ZNF250: variants seen among roughly 807,000 people sequenced by gnomAD.
The protein encoded by ZNF250 is zinc finger protein 250, also known as zinc finger protein (clone 647).
A neutral mutation model predicts 37.1 loss-of-function variants in ZNF250; 13 were observed. The observed-to-expected ratio is 0.35, with a 90% CI of 0.23 to 0.56. The LOEUF (loss-of-function observed/expected upper bound fraction) is 0.56, where lower values mean the gene tolerates loss of function less well. Among genes scored for constraint, ZNF250 ranks in the 20% least tolerant of loss-of-function variants. ZNF250 has a pLI of 0.87. For missense variants in ZNF250, 474 were observed against 697.9 expected, an observed-to-expected ratio of 0.68 and a Z score of 3.61; for synonymous variants, 251 against 265.6, an observed-to-expected ratio of 0.94 and a Z score of 0.54.
intron 5 of ZNF250, among the ~76,000 whole-genome samples, chr8:144,883,638 C>A (rs1253435985): frequency 1.3e-5 from 2 of 151,776 alleles, no homozygotes; most frequent in East Asian, 3.9e-4. Flanking sequence ...TCGGACCTGG[C>A]CATGTGGAAG....
chr8:144,880,305 A>C lies in ZNF250; in HGVS notation c.*1210T>G. The C allele has an allele frequency of 2.6e-6, 1 of 381,928 alleles. No homozygotes were observed. The highest frequency in any genetic ancestry group is 7.4e-5 in the East Asian group (1 of 13,458). The allele number at this position is 381,928 out of a possible 1,614,324, so 23.7% of individuals were successfully genotyped here. ...TGTATGTTTTAAATATATCTACCAA[A>C]GAACAGTATTTTCAGCATTGTTTTG... On this transcript the variant is annotated 3_prime_UTR_variant, in exon 6 of 6. Coordinates refer to ENST00000417550, the MANE Select transcript of ZNF250 (RefSeq NM_001109689.4).
chr8:144,889,353 T>C (rs1376937514), intron 4 of ZNF250, among the ~76,000 whole-genome samples: 1 of 152,244 alleles, frequency 6.6e-6, no homozygotes, highest in African/African-American at 2.4e-5. Flanking sequence ...TCTACATGGC[T>C]CTGCACATCA....
rs748438707 is a variant in ZNF250, at chr8:144,882,253, C to A, written c.930G>T (p.Leu310Phe). The change falls in exon 6 of 6, where the codon TTG becomes TTT. Residue 310 changes from leucine to phenylalanine, a missense_variant. Physicochemically the swap from Leu to Phe is conservative, Grantham distance 22 (BLOSUM62 0). This residue lies in a region of ZNF250 where 282 missense variants were observed against 470.4 expected (regional missense o/e 0.60). Coordinates refer to ENST00000417550, the MANE Select transcript of ZNF250 (RefSeq NM_001109689.4). The surrounding 1 kb of genome is among the most constrained non-coding windows in gnomAD (Gnocchi z 5.5). ...HTGERPYVCP[L>F]CGKAFNHSTV... The stretch of plus-strand genomic sequence containing the variant: ...TGCTATGGTTGAAGGCTTTCCCACA[C>A]AACGGACACACATATGGCCTTTCTC... The A allele has an allele frequency of 1.2e-6, 2 of 1,613,970 alleles. No individual in the cohort carries two copies. Among genetic ancestry groups the A allele is most frequent in the East Asian group, 4.5e-5 (2 of 44,866 alleles).
chr8:144,899,723 G>A (rs746139411), intron 1 of ZNF250, among the ~76,000 whole-genome samples: 1 of 152,024 alleles, frequency 6.6e-6, no homozygotes, highest in Non-Finnish European at 1.5e-5. Context: ...TGACAAAAGC[G>A]GTTTTTCAAA....
intron 5 of ZNF250, among the ~76,000 whole-genome samples, chr8:144,883,827 G>GCT (rs1283013506): frequency 6.6e-6 from 1 of 152,136 alleles, no homozygotes; most frequent in African/African-American, 2.4e-5. Context: ...CAGGTCGAGC[G>GCT]CTCTGCAGGC....
chr8:144,880,310 A>G lies in ZNF250; in HGVS notation c.*1205T>C, dbSNP rs1055026265. 1.5e-5 allele frequency: 6 copies of G among 388,588 alleles called. No individual in the cohort carries two copies. The highest frequency in any genetic ancestry group is 2.7e-5 in the Non-Finnish European group (5 of 186,838). 24.1% of individuals were successfully genotyped at this position (388,588 alleles called of 1,614,324 possible). On this transcript the variant is annotated 3_prime_UTR_variant, in exon 6 of 6. Coordinates refer to ENST00000417550, the MANE Select transcript of ZNF250 (RefSeq NM_001109689.4). ...GTTTTAAATATATCTACCAAAGAACAGTATTTTCAGCATTGTTTTGGGGGA... is the reference window on the plus strand; with the variant it reads ...GTTTTAAATATATCTACCAAAGAACGGTATTTTCAGCATTGTTTTGGGGGA...
chr8:144,894,918 C>T (rs1442984804), intron 1 of ZNF250, among the ~76,000 whole-genome samples: 1 of 151,992 alleles, frequency 6.6e-6, no homozygotes, highest in Non-Finnish European at 1.5e-5. Flanking sequence ...CCCTCCTTGG[C>T]CTCCGAAAGT....
chr8:144,902,160 C>A (rs566705326), upstream of ZNF250: 1 of 152,354 alleles, frequency 6.6e-6, no homozygotes, highest in East Asian at 1.9e-4. Flanking sequence ...CTCCGTCGCC[C>A]ACTCGGCCCT....
rs766641074 is a variant in ZNF250, at chr8:144,890,169, C to T, written c.43-110G>A. On this transcript the variant is annotated intron_variant, in intron 2 of 5. Transcript: ENST00000417550. The surrounding 1 kb of genome is among the most constrained non-coding windows in gnomAD (Gnocchi z 5.1). ...AGTTGGCAGTGGGGGGCTCTGTGAG[C>T]TGAGGTGGGTGATGGGAAGGGGCCG... is the stretch of plus-strand genomic sequence containing the variant. 66 of 1,535,004 alleles carry T rather than the reference C, an allele frequency of 4.3e-5. No homozygotes were observed. Among genetic ancestry groups the T allele is most frequent in the Non-Finnish European group, 5.8e-5 (65 of 1,129,658 alleles).
At chr8:144,892,897 T>C (rs1336736262) in intron 1 of ZNF250, among the ~76,000 whole-genome samples, 1 of 145,646 alleles carries the variant, frequency 6.9e-6, no homozygotes, top group African/African-American at 2.6e-5. Context: ...TCTTGCTCTG[T>C]CACCCAGGCT....
chr8:144,898,248 G>A (rs1487993669), intron 1 of ZNF250, among the ~76,000 whole-genome samples: 1 of 152,068 alleles, frequency 6.6e-6, no homozygotes, highest in Non-Finnish European at 1.5e-5. Context: ...AGTGAGCCAA[G>A]ATCGCGCCAT....
chr8:144,883,011 TA>T (rs1831608813), intron 5 of ZNF250, among the ~76,000 whole-genome samples, 175 bp from the exon 6 acceptor site: 1 of 152,140 alleles, frequency 6.6e-6, no homozygotes, highest in Non-Finnish European at 1.5e-5. Flanking sequence ...TATCAGAAGA[TA>T]ATGTTTCCAG....
chr8:144,893,546 G>C (rs1451436280), intron 1 of ZNF250, among the ~76,000 whole-genome samples: 2 of 152,116 alleles, frequency 1.3e-5, no homozygotes, highest in Non-Finnish European at 2.9e-5. Context: ...GCCCAGGCTG[G>C]TCTCGAACCC....
chr8:144,889,955 G>A lies in ZNF250; in HGVS notation c.147C>T (p.Thr49=). ...RGLYRNVMME[T]YGNVVSLGLP... Reference sequence around the variant, plus strand: ...TACCCAATGAGACTACATTCCCATAGGTTTCCATCATCACATTTCTGTAGA... The same window carrying A: ...TACCCAATGAGACTACATTCCCATAAGTTTCCATCATCACATTTCTGTAGA... The change falls in exon 3 of 6, where the codon ACC becomes ACT. Residue 49 remains threonine, a synonymous_variant. Coordinates refer to ENST00000417550, the MANE Select transcript of ZNF250 (RefSeq NM_001109689.4). 1 of 1,609,700 alleles carries A rather than the reference G, an allele frequency of 6.2e-7. No homozygotes were observed. Among genetic ancestry groups the A allele is most frequent in the East Asian group, 2.2e-5 (1 of 44,762 alleles).
In ZNF250 at chr8:144,882,734, T is replaced by A. The variant is rs747992821; in HGVS notation, c.449A>T (p.Asp150Val). The change falls in exon 6 of 6, where the codon GAT (aspartate) becomes GTT (valine). Residue 150 changes from aspartate (D) to valine (V), a missense_variant. Physicochemically the swap from Asp to Val is radical, Grantham distance 152 (BLOSUM62 -3). This residue lies in a region of ZNF250 where 192 missense variants were observed against 227.5 expected (regional missense o/e 0.84). Coordinates refer to ENST00000417550, the MANE Select transcript of ZNF250 (RefSeq NM_001109689.4). The surrounding 1 kb of genome is among the most constrained non-coding windows in gnomAD (Gnocchi z 5.5). ...TTGCTTTGTTTCATTATTTTCTTGA[T>A]CAATCCTCCCCAAGGGTGTTTTCCC... ...ILGKTPLGRI[D>V]QENNETKQSF... The A allele has an allele frequency of 5.6e-6, 9 of 1,613,948 alleles. No individual in the cohort carries two copies. The South Asian group carries it at 7.7e-5, about 14-fold the overall frequency.
At chr8:144,886,372 C>G (rs1376671058) in intron 5 of ZNF250, among the ~76,000 whole-genome samples, 2 of 152,178 alleles carry the variant, frequency 1.3e-5, no homozygotes, top group African/African-American at 4.8e-5. Context: ...TAAGAGACTA[C>G]TCGCTCAATC....
chr8:144,880,360 C>T lies in ZNF250; in HGVS notation c.*1155G>A, dbSNP rs745533919. 131 of 451,406 alleles carry T rather than the reference C, an allele frequency of 2.9e-4. No individual in the cohort carries two copies. Among genetic ancestry groups the T allele is most frequent in the Admixed American group, 6.9e-4 (29 of 42,330 alleles). 28.0% of individuals were successfully genotyped at this position (451,406 alleles called of 1,614,324 possible). ...AAATACCATAAGATGTAAAGAGGTA[C>T]CCACTTGGTGTAACAGCTATGAGGT... On this transcript the variant is annotated 3_prime_UTR_variant, in exon 6 of 6. Transcript: ENST00000417550.
intron 1 of ZNF250, among the ~76,000 whole-genome samples, chr8:144,892,723 T>C (rs1269679254): frequency 6.6e-6 from 1 of 151,190 alleles, no homozygotes; most frequent in East Asian, 2.0e-4. Flanking sequence ...CCCAGCTAAT[T>C]TTTTTTGTAT....
chr8:144,898,326 CA>C (rs1832860954), intron 1 of ZNF250, among the ~76,000 whole-genome samples: 2 of 134,124 alleles, frequency 1.5e-5, no homozygotes, highest in Admixed American at 1.5e-4. Flanking sequence ...AACAAACAAA[CA>C]AAACAAAACA....
Sources: gnomAD v4.1 joint callset for allele counts (sites outside exome capture counted in the v4.1 genomes callset) on GRCh38, gnomAD v4.1.1 for gene constraint, gnomAD v4.1.1 regional missense constraint, Gnocchi (gnomAD v3.1) non-coding constraint, MANE v1.5 for transcripts, NCBI Gene and HGNC (gene_info 2026-07-23, HGNC 2026-07-21) for gene names.